SLC25A26: variants seen among roughly 807,000 people sequenced by gnomAD.
SLC25A26 encodes the protein solute carrier family 25 member 26, also known as mitochondrial S-adenosylmethionine carrier protein.
In SLC25A26, 36 loss-of-function variants were observed where a neutral mutation model predicts 37.8. That is an observed-to-expected ratio of 0.95 (90% CI 0.73 to 1.26). SLC25A26 has a LOEUF of 1.26. SLC25A26 is among the 50% of genes most tolerant of loss of function. SLC25A26 has a pLI of 0.00. For missense variants in SLC25A26, 390 were observed against 331.1 expected (o/e 1.18, Z -1.38); for synonymous variants, 129 against 122.5 (o/e 1.05, Z -0.35).
At chr3:66,300,214 A>G (rs139997290) in intron 5 of SLC25A26, among the ~76,000 whole-genome samples, 1 of 150,394 alleles carries the variant, frequency 6.6e-6, no homozygotes, top group African/African-American at 2.4e-5. Flanking sequence ...ATCCCGTTAC[A>G]GTGAACTCCA....
chr3:66,364,880 G>A (rs2107816396), intron 7 of SLC25A26, among the ~76,000 whole-genome samples: 1 of 152,250 alleles, frequency 6.6e-6, no homozygotes, highest in East Asian at 1.9e-4. Flanking sequence ...ATAAGTGAAG[G>A]AGTTTGTCCA....
intron 5 of SLC25A26, among the ~76,000 whole-genome samples, chr3:66,271,949 C>G (rs917353534): frequency 6.6e-6 from 1 of 151,954 alleles, no homozygotes; most frequent in Non-Finnish European, 1.5e-5. Flanking sequence ...GGTGGTCTCA[C>G]TGAAATTGAA....
At chr3:66,333,053 A>G (rs1180994396) in intron 5 of SLC25A26, among the ~76,000 whole-genome samples, 1 of 151,992 alleles carries the variant, frequency 6.6e-6, no homozygotes, top group Non-Finnish European at 1.5e-5. Flanking sequence ...GAGAAGTCTG[A>G]TGCCTCTGAT....
intron 3 of SLC25A26, among the ~76,000 whole-genome samples, chr3:66,260,952 C>T (rs1284531607): frequency 6.6e-6 from 1 of 152,140 alleles, no homozygotes; most frequent in Non-Finnish European, 1.5e-5. Context: ...CAGGCAAAGC[C>T]TTATGTGATA....
At chr3:66,217,240 T>C (rs1185428818), upstream of SLC25A26, among the ~76,000 whole-genome samples, 1 of 152,212 alleles carries the variant, frequency 6.6e-6, no homozygotes, top group Non-Finnish European at 1.5e-5. Flanking sequence ...TAAGTCTAGG[T>C]TAAATTTTCT....
rs1344616246 is a variant in SLC25A26 at position 66,364,835 on chromosome 3, A to G, written c.568+1906A>G. Among the ~76,000 whole-genome samples the G allele has an allele frequency of 2.0e-5, 3 of 152,324 alleles. No homozygotes were observed. In the South Asian group the frequency reaches 6.2e-4, roughly 32 times the overall value. ...GCTCGTAAATTTTAAAATGCCTCCA[A>G]TATAAGCATCTTATTTTTTTCTGCT... On this transcript the variant is annotated intron_variant, in intron 7 of 9. Coordinates refer to ENST00000354883, the MANE Select transcript of SLC25A26 (RefSeq NM_001379210.1).
At chr3:66,365,370 G>A (rs1024028467) in intron 7 of SLC25A26, among the ~76,000 whole-genome samples, 15 of 152,306 alleles carry the variant, frequency 9.8e-5, no homozygotes, top group African/African-American at 2.6e-4. Flanking sequence ...AAAATGTCCC[G>A]TGATCTTGGA....
chr3:66,206,681 C>T (rs1460876798), intron 1 of SLC25A26, among the ~76,000 whole-genome samples: 12 of 150,310 alleles, frequency 8.0e-5, no homozygotes, highest in Non-Finnish European at 1.8e-4. Flanking sequence ...ATTTGCATCG[C>T]TCAGCAAGCA....
intron 9 of SLC25A26, among the ~76,000 whole-genome samples, chr3:66,373,252 C>T (rs79952156): frequency 2.0e-3 from 302 of 152,262 alleles, no homozygotes; most frequent in African/African-American, 6.9e-3. Context: ...TACGTTTGCT[C>T]TCATTTAATC....
chr3:66,203,514 G>A (rs2071135664), intron 1 of SLC25A26, among the ~76,000 whole-genome samples: 1 of 152,070 alleles, frequency 6.6e-6, no homozygotes, highest in African/African-American at 2.4e-5. Context: ...TAAAACATCA[G>A]TAGACTAATA....
chr3:66,179,113 G>A (rs1011005271), intron 1 of SLC25A26, among the ~76,000 whole-genome samples: 1 of 152,118 alleles, frequency 6.6e-6, no homozygotes, highest in Non-Finnish European at 1.5e-5. Flanking sequence ...GGAGATACAA[G>A]AACATTTGTC....
At chr3:66,274,464 A>G (rs1331187085) in intron 5 of SLC25A26, among the ~76,000 whole-genome samples, 6 of 152,292 alleles carry the variant, frequency 3.9e-5, no homozygotes, top group South Asian at 4.2e-4. Context: ...TGAACAGGCA[A>G]CCTACAAAAT....
chr3:66,176,995 A>G (rs2106745307), intron 1 of SLC25A26, among the ~76,000 whole-genome samples: 1 of 152,342 alleles, frequency 6.6e-6, no homozygotes, highest in Non-Finnish European at 1.5e-5. Flanking sequence ...CCTATAGAGT[A>G]AAGTCTCCCT....
At chr3:66,158,774 A>C (rs574893813) in intron 1 of SLC25A26, among the ~76,000 whole-genome samples, 141 of 152,290 alleles carry the variant, frequency 9.3e-4, no homozygotes, top group African/African-American at 3.2e-3. Context: ...ATATGAGGAC[A>C]ATCATGAGTG....
At chr3:66,256,612 T>G (rs567469944) in intron 3 of SLC25A26, among the ~76,000 whole-genome samples, 1 of 152,274 alleles carries the variant, frequency 6.6e-6, no homozygotes, top group East Asian at 1.9e-4. Context: ...CAAAAAAAAT[T>G]AGGCTGGACA....
chr3:66,201,614 G>C (rs1043703390), intron 1 of SLC25A26, among the ~76,000 whole-genome samples: 1 of 152,210 alleles, frequency 6.6e-6, no homozygotes, highest in Admixed American at 6.5e-5. Context: ...AAGGTTATAG[G>C]TGTAATGATT....
intron 3 of SLC25A26, among the ~76,000 whole-genome samples, chr3:66,248,256 G>C (rs782463401): frequency 9.2e-5 from 14 of 152,248 alleles, no homozygotes; most frequent in Non-Finnish European, 1.8e-4. Context: ...TTGCAATTTA[G>C]AATACAGTAA....
intron 5 of SLC25A26, among the ~76,000 whole-genome samples, chr3:66,268,117 A>G (rs1412351985): frequency 2.0e-5 from 3 of 152,184 alleles, no homozygotes; most frequent in Non-Finnish European, 4.4e-5. Context: ...TAAGAGCACT[A>G]TCTTTTATAA....
At chr3:66,179,284 G>C (rs1383296204) in intron 1 of SLC25A26, among the ~76,000 whole-genome samples, 1 of 152,144 alleles carries the variant, frequency 6.6e-6, no homozygotes, top group Non-Finnish European at 1.5e-5. Flanking sequence ...TTGCCGATTT[G>C]ATATTGATAT....
Sources: allele counts gnomAD v4.1 joint callset (sites outside exome capture counted in the v4.1 genomes callset), GRCh38; gene constraint gnomAD v4.1.1; transcripts MANE v1.5; gene names NCBI Gene and HGNC (gene_info 2026-07-23, HGNC 2026-07-21).